MAP2K1: variants seen among roughly 807,000 people sequenced by gnomAD.
MAP2K1 encodes mitogen-activated protein kinase kinase 1, also known as dual specificity mitogen-activated protein kinase kinase 1.
Under a neutral mutation model 46.3 loss-of-function variants are expected in MAP2K1, and 16 were observed. That is an observed-to-expected ratio of 0.35 (90% confidence interval 0.23 to 0.52). MAP2K1 has a LOEUF of 0.52. Among genes scored for constraint, MAP2K1 ranks in the 20% least tolerant of loss-of-function variants. MAP2K1 has a pLI of 0.94. For missense variants in MAP2K1, 263 were observed against 497.1 expected (o/e 0.53, Z 4.48); for synonymous variants, 183 against 185.6 (o/e 0.99, Z 0.11).
intron 1 of MAP2K1, among the ~76,000 whole-genome samples, chr15:66,431,915 A>G (rs1189810018): frequency 2.0e-5 from 3 of 152,094 alleles, no homozygotes; most frequent in Non-Finnish European, 4.4e-5. Flanking sequence ...CTCACCATTC[A>G]GTTCCCACTT....
At chr15:66,401,793 C>CT in intron 1 of MAP2K1, 1 of 520,790 alleles carries the variant, frequency 1.9e-6, no homozygotes. Flanking sequence ...TGAAGGATGG[C>CT]TAGGATTCCA....
chr15:66,409,894 C>G (rs775381144), intron 1 of MAP2K1, among the ~76,000 whole-genome samples: 1 of 152,126 alleles, frequency 6.6e-6, no homozygotes, highest in Non-Finnish European at 1.5e-5. Context: ...ATTCACAGAC[C>G]CTTTGAAAGA....
At chr15:66,469,854 C>A (rs555591525) in intron 5 of MAP2K1, among the ~76,000 whole-genome samples, 3 of 149,988 alleles carry the variant, frequency 2.0e-5, no homozygotes, top group Non-Finnish European at 4.4e-5. Context: ...AAATATCAAA[C>A]CTTTCAGAAA....
chr15:66,454,713 A>G (rs200213298), intron 5 of MAP2K1, among the ~76,000 whole-genome samples: 2 of 152,006 alleles, frequency 1.3e-5, no homozygotes, highest in African/African-American at 2.4e-5. Flanking sequence ...GTGAAACCCC[A>G]TCTCTACTAA....
chr15:66,430,807 G>C (rs1410451647), intron 1 of MAP2K1, among the ~76,000 whole-genome samples: 1 of 152,160 alleles, frequency 6.6e-6, no homozygotes, highest in East Asian at 1.9e-4. Context: ...TAGCAGATGG[G>C]TGAGATGAAA....
chr15:66,420,721 A>ATATATATATATATT (rs1461381065), intron 1 of MAP2K1, among the ~76,000 whole-genome samples: 1 of 29,702 alleles, frequency 3.4e-5, no homozygotes, highest in African/African-American at 1.2e-4. Context: ...ATATATATAT[A>ATATATATATATATT]TGTGTGTGTG....
At chr15:66,392,457 G>A (rs369029328) in intron 1 of MAP2K1, among the ~76,000 whole-genome samples, 1 of 151,016 alleles carries the variant, frequency 6.6e-6, no homozygotes, top group East Asian at 1.9e-4. Context: ...GAAATTATAG[G>A]TATGAGCCAC....
rs899239411 is a variant in MAP2K1 at position 66,479,965 on chromosome 15, C to T, written c.569-1790C>T. The stretch of plus-strand genomic sequence containing the variant: ...TGTTGCCCAGACTGGAGTGCAATGG[C>T]GTGGTCTCAGCTCACTGCAACCTCT... On this transcript the variant is annotated intron_variant, in intron 5 of 10. Transcript: ENST00000307102. Among the ~76,000 whole-genome samples the T allele has an allele frequency of 1.4e-4, 22 of 152,020 alleles. No individual in the cohort carries two copies. The South Asian group carries it at 1.7e-3, about 11-fold the overall frequency.
intron 3 of MAP2K1, 141 bp downstream of exon 3, chr15:66,437,033 T>A (rs2140585056): frequency 1.1e-6 from 1 of 902,920 alleles, no homozygotes; most frequent in Non-Finnish European, 1.8e-6. Flanking sequence ...CTGGGAAGTC[T>A]AACTGTAGAG....
At chr15:66,467,181 C>T (rs530926062) in intron 5 of MAP2K1, among the ~76,000 whole-genome samples, 2 of 152,128 alleles carry the variant, frequency 1.3e-5, no homozygotes, top group East Asian at 3.9e-4. Flanking sequence ...CTGCAGTGAG[C>T]CAAGATTGTG....
At chr15:66,420,968 C>T (rs1366971443) in intron 1 of MAP2K1, among the ~76,000 whole-genome samples, 2 of 23,376 alleles carry the variant, frequency 8.6e-5, no homozygotes, top group Non-Finnish European at 3.2e-4. Context: ...CATATATACA[C>T]ACACATACAT....
chr15:66,475,752 G>A (rs536284433), intron 5 of MAP2K1, among the ~76,000 whole-genome samples: 20 of 152,260 alleles, frequency 1.3e-4, no homozygotes, highest in Admixed American at 4.6e-4. Flanking sequence ...ACGAGTCCAC[G>A]GGGCCTTGAC....
At chr15:66,414,859 T>C (rs1160379995) in intron 1 of MAP2K1, 2 of 270,874 alleles carry the variant, frequency 7.4e-6, no homozygotes, top group African/African-American at 4.6e-5. Flanking sequence ...TCAGCAACGA[T>C]CGAGACTGTG....
chr15:66,465,884 G>A (rs1257505931), intron 5 of MAP2K1, among the ~76,000 whole-genome samples: 1 of 152,166 alleles, frequency 6.6e-6, no homozygotes, highest in East Asian at 1.9e-4. Context: ...GGCCTTGATG[G>A]AACTTTGCTC....
intron 5 of MAP2K1, among the ~76,000 whole-genome samples, chr15:66,471,077 C>G (rs2140649910): frequency 6.6e-6 from 1 of 152,240 alleles, no homozygotes; most frequent in Non-Finnish European, 1.5e-5. Flanking sequence ...ACGCATTTAT[C>G]TCAGTGAGCG....
In MAP2K1 at chr15:66,489,739, G is replaced by A. The variant is rs1409630982; in HGVS notation, c.1044G>A (p.Glu348=). The A allele has an allele frequency of 6.2e-7, 1 of 1,614,038 alleles. No individual in the cohort carries two copies. Residue 348 remains glutamate (E), a synonymous_variant, in exon 10 of 11, where the codon GAG becomes GAA. Transcript: ENST00000307102. ...TAAGCTTAATAAAAAACCCCGCAGA[G>A]AGAGCAGATTTGAAGCAACTCATGG... is the stretch of plus-strand genomic sequence containing the variant. The part of the protein sequence containing the change: ...VNKCLIKNPA[E]RADLKQLMVH...
At chr15:66,415,403 C>T (rs2093422257) in intron 1 of MAP2K1, among the ~76,000 whole-genome samples, 1 of 152,176 alleles carries the variant, frequency 6.6e-6, no homozygotes, top group African/African-American at 2.4e-5. Context: ...ATACAACATC[C>T]TCCTAACCCC....
intron 1 of MAP2K1, among the ~76,000 whole-genome samples, chr15:66,405,118 C>G (rs2093393226): frequency 1.3e-5 from 2 of 152,134 alleles, no homozygotes; most frequent in Admixed American, 1.3e-4. Flanking sequence ...TCATAGTATT[C>G]TATTTTACAA....
At chr15:66,439,162 G>C (rs2093496841) in intron 3 of MAP2K1, among the ~76,000 whole-genome samples, 1 of 152,178 alleles carries the variant, frequency 6.6e-6, no homozygotes, top group South Asian at 2.1e-4. Context: ...ATGGGCTGCT[G>C]CTTCCCTTGG....
Sources: allele counts gnomAD v4.1 joint callset (sites outside exome capture counted in the v4.1 genomes callset), GRCh38; gene constraint gnomAD v4.1.1; transcripts MANE v1.5; gene names NCBI Gene and HGNC (gene_info 2026-07-23, HGNC 2026-07-21).